BACH2: variants seen among roughly 807,000 people sequenced by gnomAD.
BACH2 encodes the protein transcription regulator protein BACH2.
In BACH2, 5 loss-of-function variants were observed where a neutral mutation model predicts 61.8. The observed-to-expected ratio is 0.08, with a 90% confidence interval of 0.04 to 0.17. The LOEUF (loss-of-function observed/expected upper bound fraction) is 0.17, where lower values mean the gene tolerates loss of function less well. Ranked by LOEUF, BACH2 falls within the 10% of genes least tolerant of loss-of-function variation. The pLI is 1.00. For missense variants in BACH2, 824 were observed against 1,091.1 expected (o/e 0.76, Z 3.45); for synonymous variants, 446 against 440.1 (o/e 1.01, Z -0.17).
intron 3 of BACH2, chr6:90,218,203 G>T (rs1395215437): frequency 6.6e-6 from 1 of 152,174 alleles, no homozygotes; most frequent in African/African-American, 2.4e-5. Flanking sequence ...GTAGTTTACC[G>T]CTACTGGAAC....
At chr6:90,189,631 A>C (rs909249885) in intron 4 of BACH2, among the ~76,000 whole-genome samples, 1 of 151,508 alleles carries the variant, frequency 6.6e-6, no homozygotes, top group African/African-American at 2.4e-5. Flanking sequence ...AAAAAAAAAA[A>C]AAAAAAAAGA....
intron 4 of BACH2, among the ~76,000 whole-genome samples, chr6:90,136,353 G>A (rs1245940063): frequency 6.6e-6 from 1 of 152,216 alleles, no homozygotes; most frequent in Non-Finnish European, 1.5e-5. Context: ...AGAGAGATCT[G>A]ATTTCAAATC....
intron 4 of BACH2, among the ~76,000 whole-genome samples, chr6:90,165,019 T>G (rs1218379203): frequency 4.6e-5 from 7 of 152,232 alleles, no homozygotes; most frequent in African/African-American, 1.4e-4. Flanking sequence ...AGGGATGCCC[T>G]GTCTCACCAC....
At chr6:90,016,479 T>C (rs1413088326) in intron 5 of BACH2, among the ~76,000 whole-genome samples, 1 of 152,188 alleles carries the variant, frequency 6.6e-6, no homozygotes. Flanking sequence ...TGCCTTCCAG[T>C]GATATCATAA....
At chr6:89,939,458 T>C (rs1336398180) in intron 7 of BACH2, among the ~76,000 whole-genome samples, 1 of 152,182 alleles carries the variant, frequency 6.6e-6, no homozygotes, top group East Asian at 1.9e-4. Context: ...ACTATTGTTT[T>C]AGGTCATTAA....
intron 4 of BACH2, among the ~76,000 whole-genome samples, chr6:90,104,951 G>A (rs1782837191): frequency 6.6e-6 from 1 of 152,150 alleles, no homozygotes; most frequent in Non-Finnish European, 1.5e-5. Flanking sequence ...CTGGCCTTCC[G>A]AAAGGTCATT....
rs544594261 is a variant in BACH2, at chr6:90,249,888, A to G, written c.-275+2625T>C. Among the ~76,000 whole-genome samples the G allele has an allele frequency of 7.9e-5, 12 of 152,364 alleles. No individual in the cohort carries two copies. The East Asian group carries it at 2.3e-3, about 29-fold the overall frequency. ...ATTTGTTCATCAGAATAGATAACCC[A>G]AATGAATACTCCACAGAACAAGACT... is the stretch of plus-strand genomic sequence containing the variant. On this transcript the variant is annotated intron_variant, in intron 3 of 8. Coordinates refer to ENST00000257749, the MANE Select transcript of BACH2 (RefSeq NM_021813.4).
chr6:89,963,007 C>A (rs1180982032), intron 6 of BACH2, among the ~76,000 whole-genome samples: 1 of 152,148 alleles, frequency 6.6e-6, no homozygotes, highest in Non-Finnish European at 1.5e-5. Flanking sequence ...ATGTAAAGAA[C>A]TCTCATTTAA....
At chr6:90,296,068 A>T (rs1772362149) in intron 1 of BACH2, among the ~76,000 whole-genome samples, 1 of 151,944 alleles carries the variant, frequency 6.6e-6, no homozygotes. Flanking sequence ...GGCCGGGGGC[A>T]GGGCCGCGGG....
Position 90,235,659 on chromosome 6 carries a change from T to A in BACH2, c.-275+16854A>T, listed in dbSNP as rs192793427. The stretch of plus-strand genomic sequence containing the variant: ...ATAGTGAGACCCTGTCTCTAAAAAA[T>A]TTTTTTAAATTTAAAAACATTTTTA... On this transcript the variant is annotated intron_variant, in intron 3 of 8. Coordinates refer to ENST00000257749, the MANE Select transcript of BACH2 (RefSeq NM_021813.4). 3.2e-4 allele frequency among the ~76,000 whole-genome samples: 48 copies of A among 152,270 alleles called. No individual in the cohort carries two copies. In the East Asian group the frequency reaches 7.5e-3, roughly 24 times the overall value.
At chr6:89,947,349 C>T (rs1298685701) in intron 7 of BACH2, among the ~76,000 whole-genome samples, 1 of 152,154 alleles carries the variant, frequency 6.6e-6, no homozygotes, top group African/African-American at 2.4e-5. Flanking sequence ...ATCAACTCCT[C>T]GAGCAGCAGT....
intron 5 of BACH2, among the ~76,000 whole-genome samples, chr6:90,073,942 G>C (rs1781359989): frequency 6.6e-6 from 1 of 152,136 alleles, no homozygotes; most frequent in Non-Finnish European, 1.5e-5. Context: ...AAAGAAAAAA[G>C]GGACTTGACA....
At chr6:89,954,882 C>T (rs909532348) in intron 6 of BACH2, among the ~76,000 whole-genome samples, 2 of 152,192 alleles carry the variant, frequency 1.3e-5, no homozygotes, top group Non-Finnish European at 2.9e-5. Flanking sequence ...TAAACTGTCA[C>T]TTAAGCCCAA....
chr6:90,202,014 A>G (rs1459406284), intron 4 of BACH2, among the ~76,000 whole-genome samples: 2 of 152,230 alleles, frequency 1.3e-5, no homozygotes, highest in African/African-American at 4.8e-5. Context: ...AAAAGTGTTC[A>G]TATTAGGTTT....
intron 4 of BACH2, among the ~76,000 whole-genome samples, chr6:90,152,103 G>A (rs2127830208): frequency 6.6e-6 from 1 of 152,316 alleles, no homozygotes; most frequent in East Asian, 1.9e-4. Context: ...TGCTTGGTCA[G>A]CTTCAAATGG....
intron 6 of BACH2, among the ~76,000 whole-genome samples, chr6:89,952,791 G>A (rs965626858): frequency 4.6e-5 from 7 of 152,350 alleles, no homozygotes; most frequent in Middle Eastern, 3.4e-3. Flanking sequence ...ACACAAACAC[G>A]TGTGTGCCCA....
rs904794103 is a variant in BACH2 at position 89,927,138 on chromosome 6, C to T, written c.*5270G>A. 1 of 152,802 alleles carries T rather than the reference C, an allele frequency of 6.5e-6. No individual in the cohort carries two copies. The highest frequency in any genetic ancestry group is 2.4e-5 in the African/African-American group (1 of 41,454). 9.5% of individuals were successfully genotyped at this position (152,802 alleles called of 1,614,324 possible). A position where few individuals can be genotyped will look rare whatever the true frequency, so the allele number is the denominator to read the frequency against. Reference sequence around the variant, plus strand: ...ACAAATTGTCAAATTGTCACAGGCTCTCTTGGCCTCACTAGCAAAGGTGGT... The same window carrying T: ...ACAAATTGTCAAATTGTCACAGGCTTTCTTGGCCTCACTAGCAAAGGTGGT... On this transcript the variant is annotated 3_prime_UTR_variant, in exon 9 of 9. Transcript: ENST00000257749.
chr6:90,103,610 C>T lies in BACH2; in HGVS notation c.-161-14501G>A, dbSNP rs575248359. ...CTTTACGCCCTAATAATTGACGGCA[C>T]TTTGATCACGATGACTGCTCTGGGT... On this transcript the variant is annotated intron_variant, in intron 4 of 8. Coordinates refer to ENST00000257749, the MANE Select transcript of BACH2 (RefSeq NM_021813.4). 2.0e-5 allele frequency among the ~76,000 whole-genome samples: 3 copies of T among 152,272 alleles called. No homozygotes were observed. The East Asian group carries it at 5.8e-4, about 29-fold the overall frequency.
chr6:90,250,126 A>G (rs1168200433), intron 3 of BACH2, among the ~76,000 whole-genome samples: 1 of 152,196 alleles, frequency 6.6e-6, no homozygotes, highest in African/African-American at 2.4e-5. Flanking sequence ...TTTCTGAATG[A>G]AAGAACAAGA....
Sources: gnomAD v4.1 joint callset for allele counts (sites outside exome capture counted in the v4.1 genomes callset) on GRCh38, gnomAD v4.1.1 for gene constraint, MANE v1.5 for transcripts, NCBI Gene and HGNC (gene_info 2026-07-23, HGNC 2026-07-21) for gene names.